Variants in CIB2 observed in about 807,000 individuals in gnomAD.
The protein encoded by CIB2 is calcium and integrin binding family member 2.
Under a neutral mutation model 23.1 loss-of-function variants are expected in CIB2, and 19 were observed. That is an observed-to-expected ratio of 0.82 (90% CI 0.57 to 1.21). The LOEUF is 1.21. CIB2 is among the 50% of genes most tolerant of loss of function. The pLI is 0.00. For synonymous variants in CIB2, 94 were observed against 91.7 expected, an observed-to-expected ratio of 1.03 and a Z score of -0.14; for missense variants, 220 against 241.5, an observed-to-expected ratio of 0.91 and a Z score of 0.59.
At position 78,111,229 on chromosome 15, in the gene CIB2, T is replaced by C; in HGVS notation, c.134A>G (p.Asp45Gly). 2.5e-6 allele frequency: 4 copies of C among 1,614,110 alleles called. No individual in the cohort carries two copies. In the South Asian group the frequency reaches 4.4e-5, roughly 18 times the overall value. The part of the protein sequence containing the change: ...YELAPNLVPM[D>G]YRKSPIVHVP... The stretch of plus-strand genomic sequence containing the variant: ...GTGGACGATGGGGCTCTTCCTGTAG[T>C]CCATTGGGACGAGGTTGGGGGCCAG... The change falls in exon 3 of 6, where the codon GAC (aspartate) becomes GGC (glycine). Residue 45 changes from aspartate (D) to glycine (G), a missense_variant. Coordinates refer to ENST00000258930, the MANE Select transcript of CIB2 (RefSeq NM_006383.4).
At chr15:78,105,503 G>T in intron 5 of CIB2, 171 bp from the exon 6 acceptor site, 2 of 1,498,580 alleles carry the variant, frequency 1.3e-6, no homozygotes, top group Non-Finnish European at 1.8e-6. Flanking sequence ...AGGAACAGCG[G>T]TGCCCAGGGA....
At chr15:78,105,373 G>C in intron 5 of CIB2, 41 bp from the exon 6 acceptor site, 2 of 1,613,264 alleles carry the variant, frequency 1.2e-6, no homozygotes, top group South Asian at 2.2e-5. Context: ...AGAGGCCCTG[G>C]GTCGGGCAGG....
At chr15:78,120,679 A>G in intron 2 of CIB2, 1 of 985,492 alleles carries the variant, frequency 1.0e-6, no homozygotes. Flanking sequence ...GGGGCAGGGC[A>G]GAGGGAAGGA....
intron 2 of CIB2, among the ~76,000 whole-genome samples, chr15:78,113,517 C>CTTCTTTCTTTCTTTCT (rs765344309): frequency 1.4e-5 from 2 of 145,036 alleles, no homozygotes; most frequent in Non-Finnish European, 3.0e-5. Context: ...ATTCATGCAT[C>CTTCTTTCTTTCTTTCT]TTCTTTCTTT....
At chr15:78,109,200 C>CCCCATATTCAA in intron 4 of CIB2, 35 bp downstream of exon 4, 1 of 1,159,174 alleles carries the variant, frequency 8.6e-7, no homozygotes, top group Non-Finnish European at 1.2e-6. Context: ...GTTCCCCCAC[C>CCCCATATTCAA]GCATATTCAG....
At chr15:78,111,414 C>A (rs528320926) in intron 2 of CIB2, 138 bp from the exon 3 acceptor site, 2 of 647,052 alleles carry the variant, frequency 3.1e-6, no homozygotes, top group Non-Finnish European at 5.3e-6. Context: ...GGGAGGCTCT[C>A]TGCTCTGCCC....
Position 78,109,314 on chromosome 15 carries a change from G to A in CIB2, c.267C>T (p.Asn89=), listed in dbSNP as rs749179814. ...GCACGGAAAACATGTCCACAAAGTCGTTGAAAGTGAGGTTCCCCTCACCAT... is the reference window on the plus strand; with the variant it reads ...GCACGGAAAACATGTCCACAAAGTCATTGAAAGTGAGGTTCCCCTCACCAT... ...SEDGEGNLTF[N]DFVDMFSVLC... Residue 89 remains asparagine (N), a synonymous_variant, in exon 4 of 6, where the codon AAC becomes AAT. Transcript: ENST00000258930. 38 of 1,613,810 alleles carry A rather than the reference G, an allele frequency of 2.4e-5. No homozygotes were observed. In the East Asian group the frequency reaches 2.5e-4, roughly 10 times the overall value.
At chr15:78,109,200 C>CCCCAAATTCA in intron 4 of CIB2, 35 bp downstream of exon 4, 1 of 1,159,174 alleles carries the variant, frequency 8.6e-7, no homozygotes, top group Non-Finnish European at 1.2e-6. Context: ...GTTCCCCCAC[C>CCCCAAATTCA]GCATATTCAG....
At chr15:78,121,514 A>G (rs2074318391) in intron 2 of CIB2, among the ~76,000 whole-genome samples, 1 of 152,074 alleles carries the variant, frequency 6.6e-6, no homozygotes. Context: ...CATAATCCCT[A>G]CGTGTCATGG....
intron 2 of CIB2, among the ~76,000 whole-genome samples, chr15:78,115,250 ATTAT>A (rs544526687): frequency 1.3e-5 from 2 of 152,024 alleles, no homozygotes; most frequent in Non-Finnish European, 2.9e-5. Context: ...TTTAGAAGTA[ATTAT>A]TTATTTATTT....
intron 4 of CIB2, among the ~76,000 whole-genome samples, chr15:78,108,904 C>T (rs1376480011): frequency 6.6e-6 from 1 of 152,240 alleles, no homozygotes; most frequent in Non-Finnish European, 1.5e-5. Context: ...GCATGGGCTG[C>T]GCCCTCTGTC....
chr15:78,119,647 A>G (rs754386703), intron 2 of CIB2, among the ~76,000 whole-genome samples: 19 of 151,488 alleles, frequency 1.3e-4, no homozygotes, highest in Non-Finnish European at 2.8e-4. Context: ...GCTCACTGCA[A>G]CCTCCGCCTC....
At chr15:78,120,792 T>C (rs2074307235) in intron 2 of CIB2, 1 of 959,586 alleles carries the variant, frequency 1.0e-6, no homozygotes, top group African/African-American at 1.8e-5. Context: ...AGTTTCCTCC[T>C]AGCCATCTGG....
intron 1 of CIB2, among the ~76,000 whole-genome samples, chr15:78,125,148 A>C (rs1334322211): frequency 6.6e-6 from 1 of 152,204 alleles, no homozygotes; most frequent in Non-Finnish European, 1.5e-5. Context: ...CTGGGGAAGC[A>C]GTGCCCCCTG....
chr15:78,109,199 CCGCATATTCAGG>C, intron 4 of CIB2, 24 bp downstream of exon 4: 3 of 1,090,942 alleles, frequency 2.7e-6, no homozygotes, highest in Middle Eastern at 2.8e-4. Context: ...TGTTCCCCCA[CCGCATATTCAGG>C]CCCCCTCCTC....
At chr15:78,121,092 GC>G (rs1456362979) in intron 2 of CIB2, among the ~76,000 whole-genome samples, 2 of 152,290 alleles carry the variant, frequency 1.3e-5, no homozygotes, top group African/African-American at 4.8e-5. Context: ...AGCCATCATG[GC>G]CATGCCTGTT....
intron 4 of CIB2, among the ~76,000 whole-genome samples, 188 bp from the exon 5 acceptor site, chr15:78,106,122 T>C (rs1792478493): frequency 6.6e-6 from 1 of 152,174 alleles, no homozygotes; most frequent in African/African-American, 2.4e-5. Flanking sequence ...AGGCATCGCT[T>C]AAACACCCAC....
At chr15:78,126,035 T>C (rs1308740585) in intron 1 of CIB2, among the ~76,000 whole-genome samples, 1 of 152,104 alleles carries the variant, frequency 6.6e-6, no homozygotes, top group Non-Finnish European at 1.5e-5. Flanking sequence ...ATCTTAAAGA[T>C]GGGCAACTTG....
Sources: allele counts gnomAD v4.1 joint callset (sites outside exome capture counted in the v4.1 genomes callset), GRCh38; gene constraint gnomAD v4.1.1; transcripts MANE v1.5; gene names NCBI Gene and HGNC (gene_info 2026-07-23, HGNC 2026-07-21).